The following SSBP2 variants were observed in gnomAD, a reference collection of about 807,000 sequenced individuals.
SSBP2 encodes single stranded DNA binding protein 2.
Under a neutral mutation model 61.8 loss-of-function variants are expected in SSBP2, and 17 were observed. The observed-to-expected ratio is 0.28, with a 90% confidence interval of 0.19 to 0.41. SSBP2 has a LOEUF of 0.41. Among genes scored for constraint, SSBP2 ranks in the 10% least tolerant of loss-of-function variants. The pLI, the probability that SSBP2 is intolerant of heterozygous loss-of-function variation, is 1.00. For missense variants in SSBP2, 310 were observed against 458.7 expected (o/e 0.68, Z 2.96); for synonymous variants, 139 against 141.3 (o/e 0.98, Z 0.12).
At chr5:81,425,016 A>C (rs1761863920) in intron 16 of SSBP2, among the ~76,000 whole-genome samples, 1 of 152,224 alleles carries the variant, frequency 6.6e-6, no homozygotes. Context: ...AAAGCAGTCA[A>C]CAGCATTACA....
intron 1 of SSBP2, among the ~76,000 whole-genome samples, chr5:81,667,336 C>A (rs1276305967): frequency 2.7e-5 from 4 of 149,836 alleles, no homozygotes; most frequent in Non-Finnish European, 5.9e-5. Context: ...CACACACGCT[C>A]CAACAATCCA....
chr5:81,539,486 C>A (rs2154115517), intron 4 of SSBP2, among the ~76,000 whole-genome samples: 1 of 152,276 alleles, frequency 6.6e-6, no homozygotes, highest in South Asian at 2.1e-4. Flanking sequence ...CTAAAACTGA[C>A]TCCAATTTTG....
chr5:81,743,942 A>G (rs911299917), intron 1 of SSBP2, among the ~76,000 whole-genome samples: 1 of 152,166 alleles, frequency 6.6e-6, no homozygotes, highest in Middle Eastern at 3.2e-3. Flanking sequence ...ACTTCTAGAC[A>G]TCCTGTTATG....
At chr5:81,501,017 C>T (rs981101753) in intron 5 of SSBP2, among the ~76,000 whole-genome samples, 5 of 149,580 alleles carry the variant, frequency 3.3e-5, no homozygotes, top group Non-Finnish European at 1.5e-5. Context: ...AGTTTGAAAC[C>T]AGCCTGGCCA....
chr5:81,432,723 G>A (rs1244298188), intron 15 of SSBP2, among the ~76,000 whole-genome samples: 2 of 152,178 alleles, frequency 1.3e-5, no homozygotes, highest in African/African-American at 2.4e-5. Flanking sequence ...TCCAGCCTGG[G>A]CGACAGAGCG....
intron 15 of SSBP2, among the ~76,000 whole-genome samples, chr5:81,432,910 G>A (rs1287853448): frequency 2.8e-5 from 4 of 140,430 alleles, no homozygotes; most frequent in Middle Eastern, 3.5e-3. Flanking sequence ...TGCCCGGCCA[G>A]CCACCCCGTC....
intron 1 of SSBP2, among the ~76,000 whole-genome samples, chr5:81,695,366 A>T (rs1010675794): frequency 1.3e-5 from 2 of 152,192 alleles, no homozygotes; most frequent in African/African-American, 4.8e-5. Context: ...TTTTATTATT[A>T]TACTTTAAGT....
Position 81,417,621 on chromosome 5 carries a change from T to C in SSBP2, c.*2883A>G, listed in dbSNP as rs79280665. 8 of 152,188 alleles carry C rather than the reference T, an allele frequency of 5.3e-5. No homozygotes were observed. The East Asian group carries it at 9.7e-4, about 18-fold the overall frequency. The allele number at this position is 152,188 out of a possible 1,614,324, so 9.4% of individuals were successfully genotyped here. ...AAGAGAAAAACATTAAATAGTCTTA[T>C]TACAAGAAAAAAGGATAAGGGTTAA... On this transcript the variant is annotated 3_prime_UTR_variant, in exon 17 of 17. Transcript: ENST00000320672.
At chr5:81,491,183 C>T (rs1766828373) in intron 5 of SSBP2, among the ~76,000 whole-genome samples, 1 of 151,994 alleles carries the variant, frequency 6.6e-6, no homozygotes, top group South Asian at 2.1e-4. Context: ...CTGTCTTTTA[C>T]AAAATGATGT....
chr5:81,479,563 G>C (rs1765831270), intron 6 of SSBP2, among the ~76,000 whole-genome samples: 1 of 151,864 alleles, frequency 6.6e-6, no homozygotes, highest in Non-Finnish European at 1.5e-5. Context: ...AAACTGCTCG[G>C]ATTATAGGTG....
chr5:81,461,166 G>T, intron 9 of SSBP2, 63 bp from the exon 10 acceptor site: 1 of 1,267,040 alleles, frequency 7.9e-7, no homozygotes, highest in Non-Finnish European at 1.1e-6. Flanking sequence ...AATAATCAAT[G>T]ACAAATCATA....
chr5:81,747,622 T>C (rs1757441539), intron 1 of SSBP2, among the ~76,000 whole-genome samples: 1 of 152,156 alleles, frequency 6.6e-6, no homozygotes, highest in Non-Finnish European at 1.5e-5. Context: ...AAAAAAAATT[T>C]TTTTACATTG....
intron 1 of SSBP2, among the ~76,000 whole-genome samples, chr5:81,706,172 T>C (rs1237044852): frequency 2.0e-5 from 3 of 152,104 alleles, no homozygotes; most frequent in Non-Finnish European, 4.4e-5. Flanking sequence ...CGAAATCAAG[T>C]CCTTTGCAGC....
At chr5:81,689,265 G>A (rs1157045768) in intron 1 of SSBP2, among the ~76,000 whole-genome samples, 4 of 152,108 alleles carry the variant, frequency 2.6e-5, no homozygotes, top group Admixed American at 6.5e-5. Flanking sequence ...GTTATTGGCT[G>A]TAAAGAGGTG....
At chr5:81,713,688 T>C (rs910929240) in intron 1 of SSBP2, among the ~76,000 whole-genome samples, 3 of 152,126 alleles carry the variant, frequency 2.0e-5, no homozygotes, top group Non-Finnish European at 4.4e-5. Context: ...CTTTAGAACT[T>C]TTTTTAGAAT....
At position 81,740,829 on chromosome 5, in the gene SSBP2, T is replaced by G. The variant is rs1756967228; in HGVS notation, c.62+10152A>C. 3.3e-5 allele frequency among the ~76,000 whole-genome samples: 5 copies of G among 152,202 alleles called. No homozygotes were observed. In the South Asian group the frequency reaches 1.0e-3, roughly 31 times the overall value. ...AAATCTCAGATACCAGCTAAAGAAT[T>G]TGTAGCTATCTGTGGGGCACTTTTG... is the stretch of plus-strand genomic sequence containing the variant. On this transcript the variant is annotated intron_variant, in intron 1 of 16. Transcript: ENST00000320672.
At chr5:81,501,790 T>TCTC (rs1397307882) in intron 5 of SSBP2, among the ~76,000 whole-genome samples, 44 of 151,996 alleles carry the variant, frequency 2.9e-4, no homozygotes, top group South Asian at 8.3e-4. Context: ...ATGGTCTCGA[T>TCTC]CTGACCTCGT....
chr5:81,731,336 G>A (rs1756251322), intron 1 of SSBP2, among the ~76,000 whole-genome samples: 2 of 151,990 alleles, frequency 1.3e-5, no homozygotes, highest in African/African-American at 4.8e-5. Context: ...TAATAATAAT[G>A]ACTAATATTT....
intron 4 of SSBP2, among the ~76,000 whole-genome samples, chr5:81,610,947 T>G (rs188401875): frequency 6.6e-6 from 1 of 152,138 alleles, no homozygotes; most frequent in Non-Finnish European, 1.5e-5. Context: ...TGAGCCAAGA[T>G]CACACCATTG....
Sources: allele counts gnomAD v4.1 joint callset (sites outside exome capture counted in the v4.1 genomes callset), GRCh38; gene constraint gnomAD v4.1.1; transcripts MANE v1.5; gene names NCBI Gene and HGNC (gene_info 2026-07-23, HGNC 2026-07-21).